The following BRWD1 variants were observed in gnomAD, a reference collection of about 807,000 sequenced individuals.
BRWD1 encodes bromodomain and WD repeat domain containing 1, also known as bromodomain and WD repeat-containing protein 1.
A neutral mutation model predicts 251.2 loss-of-function variants in BRWD1; 82 were observed. That is an observed-to-expected ratio of 0.33 (90% CI 0.27 to 0.39). The LOEUF (loss-of-function observed/expected upper bound fraction) is 0.39, where lower values mean the gene tolerates loss of function less well. Ranked by LOEUF, BRWD1 falls within the 10% of genes least tolerant of loss-of-function variation. The pLI is 1.00. For missense variants in BRWD1, 2,233 were observed against 2,711.6 expected (o/e 0.82, Z 3.92); for synonymous variants, 918 against 902.8 (o/e 1.02, Z -0.30).
chr21:39,301,986 T>TTG lies in BRWD1; in HGVS notation c.199-3405_199-3404insCA, dbSNP rs1232453817. Among the ~76,000 whole-genome samples the TTG allele has an allele frequency of 3.3e-3, 458 of 138,280 alleles. 2 individuals are homozygous for TTG. The highest frequency in any genetic ancestry group is 0.012 in the African/African-American group (439 of 36,544). The allele number at this position is 138,280 out of a possible 152,430, so 90.7% of individuals were successfully genotyped here. A position where few individuals can be genotyped will look rare whatever the true frequency, so the allele number is the denominator to read the frequency against. On this transcript the variant is annotated intron_variant, in intron 4 of 40. Transcript: ENST00000342449. ...GTTAAAAAGCTTTGTGTGTTTTTTTTTTTTTTTTTTTTTTTTGAGACAGTC... is the reference window on the plus strand; with the variant it reads ...GTTAAAAAGCTTTGTGTGTTTTTTTTTGTTTTTTTTTTTTTTTTGAGACAGTC...
chr21:39,196,133 A>C lies in BRWD1; in HGVS notation c.*126T>G, dbSNP rs111597637. On this transcript the variant is annotated 3_prime_UTR_variant, in exon 41 of 41. Transcript: ENST00000342449. ...TAACAGTCATGATTTAGTCACATTC[A>C]TAACTTTTCATAGAAAAATATAAAT... 2 of 1,449,334 alleles carry C rather than the reference A, an allele frequency of 1.4e-6. No individual in the cohort carries two copies. The highest frequency in any genetic ancestry group is 1.5e-5 in the African/African-American group (1 of 68,940). 89.8% of individuals were successfully genotyped at this position (1,449,334 alleles called of 1,614,324 possible).
chr21:39,314,341 C>T (rs572941463), upstream of BRWD1: 170 of 455,886 alleles, frequency 3.7e-4, 1 homozygote, highest in South Asian at 2.5e-3. Flanking sequence ...TAAAATGCAG[C>T]GCTTCGCCGA....
chr21:39,267,154 A>G (rs144017807), intron 15 of BRWD1, among the ~76,000 whole-genome samples: 126 of 152,284 alleles, frequency 8.3e-4, no homozygotes, highest in African/African-American at 2.7e-3. Context: ...CTAATTGTCT[A>G]TTTGTACTTT....
chr21:39,184,280 T>A (rs996601282), downstream of BRWD1: 1 of 152,192 alleles, frequency 6.6e-6, no homozygotes, highest in South Asian at 2.1e-4. Flanking sequence ...GTGTAAAAAA[T>A]AGTGTTTTAA....
chr21:39,313,553 G>C lies in BRWD1; in HGVS notation c.-62C>G. 2 of 1,259,542 alleles carry C rather than the reference G, an allele frequency of 1.6e-6. No individual in the cohort carries two copies. Among genetic ancestry groups the C allele is most frequent in the Non-Finnish European group, 2.0e-6 (2 of 997,390 alleles). The allele number at this position is 1,259,542 out of a possible 1,614,324, so 78.0% of individuals were successfully genotyped here. On this transcript the variant is annotated 5_prime_UTR_variant, in exon 1 of 41. Transcript: ENST00000342449. ...GAGCGGAGCGTGTAGGCCGCGCCGA[G>C]GCCTGACCGGGCTGGCGTCCCCTCT... is the stretch of plus-strand genomic sequence containing the variant.
At chr21:39,201,802 T>C (rs551663441) in intron 38 of BRWD1, among the ~76,000 whole-genome samples, 1 of 152,350 alleles carries the variant, frequency 6.6e-6, no homozygotes, top group Admixed American at 6.5e-5. Context: ...ATTGAAATAC[T>C]AGGTAAAAGA....
chr21:39,259,175 G>A (rs916693762), intron 17 of BRWD1, among the ~76,000 whole-genome samples: 4 of 152,166 alleles, frequency 2.6e-5, no homozygotes, highest in Non-Finnish European at 5.9e-5. Context: ...TCTGCCCCAA[G>A]AGTCCTCGGA....
chr21:39,277,436 GA>G, intron 10 of BRWD1, 85 bp from the exon 11 acceptor site: 1 of 866,204 alleles, frequency 1.2e-6, no homozygotes, highest in Non-Finnish European at 1.6e-6. Flanking sequence ...ATATAAAAAA[GA>G]AAGATCATTT....
At chr21:39,299,800 T>G in intron 4 of BRWD1, among the ~76,000 whole-genome samples, 1 of 115,140 alleles carries the variant, frequency 8.7e-6, no homozygotes, top group African/African-American at 3.4e-5. Flanking sequence ...AATGGTGACA[T>G]CCCATCTCTA....
chr21:39,315,461 C>A (rs1202343728), upstream of BRWD1, among the ~76,000 whole-genome samples: 1 of 151,878 alleles, frequency 6.6e-6, no homozygotes, highest in Non-Finnish European at 1.5e-5. Flanking sequence ...AGTGAAACCC[C>A]CGTCTCTACT....
intron 13 of BRWD1, among the ~76,000 whole-genome samples, chr21:39,274,036 T>A (rs564721841): frequency 6.6e-6 from 1 of 152,352 alleles, no homozygotes; most frequent in South Asian, 2.1e-4. Flanking sequence ...CACAGAAAAG[T>A]ATAATTTCCA....
intron 21 of BRWD1, among the ~76,000 whole-genome samples, chr21:39,241,535 A>G (rs1013331441): frequency 3.4e-5 from 5 of 148,556 alleles, no homozygotes; most frequent in Admixed American, 6.7e-5. Context: ...ATCTAAATAA[A>G]TAACAGGAGC....
chr21:39,206,285 A>G lies in BRWD1; in HGVS notation c.4198-11T>C. 1.3e-6 allele frequency: 2 copies of G among 1,530,314 alleles called. No homozygotes were observed. The highest frequency in any genetic ancestry group is 2.4e-5 in the South Asian group (2 of 83,962). The allele number at this position is 1,530,314 out of a possible 1,614,324, so 94.8% of individuals were successfully genotyped here. ...GGTCATACTATAAATCTGCAAGGAT[A>G]TAAAAACAAAGTAGAATTACAAAAT... On this transcript the variant is annotated splice_polypyrimidine_tract_variant and intron_variant, in intron 36 of 40. Transcript: ENST00000342449.
upstream of BRWD1, among the ~76,000 whole-genome samples, chr21:39,318,063 G>A (rs537138946): frequency 6.6e-6 from 1 of 152,098 alleles, no homozygotes; most frequent in African/African-American, 2.4e-5. Flanking sequence ...AAAGAATGAG[G>A]AACTAAGGCT....
chr21:39,193,401 A>G lies in BRWD1; in HGVS notation c.*2858T>C. On this transcript the variant is annotated 3_prime_UTR_variant, in exon 41 of 41. Coordinates refer to ENST00000342449, the MANE Select transcript of BRWD1 (RefSeq NM_033656.4). ...TCATAAGTTACTTCACATTGTAAGT[A>G]TACCTTTTTAAATAAGGAGGACACG... The G allele has an allele frequency of 1.0e-6, 1 of 984,722 alleles. No homozygotes were observed. Among genetic ancestry groups the G allele is most frequent in the Non-Finnish European group, 1.2e-6 (1 of 829,290 alleles). The allele number at this position is 984,722 out of a possible 1,614,324, so 61.0% of individuals were successfully genotyped here. A position where few individuals can be genotyped will look rare whatever the true frequency, so the allele number is the denominator to read the frequency against.
At chr21:39,319,058 G>C (rs962047967) in intron 1 of BRWD1, among the ~76,000 whole-genome samples, 1 of 152,106 alleles carries the variant, frequency 6.6e-6, no homozygotes, top group Non-Finnish European at 1.5e-5. Context: ...CCTGGACTTT[G>C]ATCGATTTTT....
At chr21:39,203,438 CTTT>C (rs71330353) in intron 37 of BRWD1, among the ~76,000 whole-genome samples, 37 of 67,704 alleles carry the variant, frequency 5.5e-4, no homozygotes, top group Middle Eastern at 0.011. Context: ...GACCCTGGTT[CTTT>C]TTTTTTTTTT....
upstream of BRWD1, chr21:39,314,331 T>G (rs1054429159): frequency 8.8e-6 from 4 of 455,542 alleles, no homozygotes; most frequent in South Asian, 3.1e-5. Context: ...GAAAATTACA[T>G]AAAATGCAGC....
In BRWD1 at chr21:39,197,309, G is replaced by A. The variant is rs747247710; in HGVS notation, c.5760C>T (p.Ala1920=). The A allele has an allele frequency of 2.5e-6, 4 of 1,614,004 alleles. No homozygotes were observed. Among genetic ancestry groups the A allele is most frequent in the East Asian group, 4.5e-5 (2 of 44,870 alleles). Residue 1920 remains alanine (A), a synonymous_variant, in exon 41 of 41, where the codon GCC becomes GCT. Coordinates refer to ENST00000342449, the MANE Select transcript of BRWD1 (RefSeq NM_033656.4). ...SLQVVKKSSK[A]RTGLLRITRR... is the part of the protein sequence containing the mutation. ...GAGTAATCCTCAGGAGACCTGTTCT[G>A]GCTTTTGATGATTTCTTAACCACCT...
Sources: gnomAD v4.1 joint callset for allele counts (sites outside exome capture counted in the v4.1 genomes callset) on GRCh38, gnomAD v4.1.1 for gene constraint, MANE v1.5 for transcripts, NCBI Gene and HGNC (gene_info 2026-07-23, HGNC 2026-07-21) for gene names.